The following ZPLD1 variants were observed in gnomAD, a reference collection of about 807,000 sequenced individuals.
ZPLD1 encodes zona pellucida-like domain-containing protein 1.
A neutral mutation model predicts 47.2 loss-of-function variants in ZPLD1; 34 were observed. The ratio of observed to expected loss-of-function variants is 0.72; its 90% CI spans 0.55 to 0.96. The LOEUF is 0.96. Ranked by LOEUF, ZPLD1 falls within the 40% of genes least tolerant of loss-of-function variation. The probability of loss-of-function intolerance (pLI) is 0.00; values close to 1 mark genes in which losing one functional copy is unlikely to be tolerated. For synonymous variants in ZPLD1, 176 were observed against 186.2 expected, an observed-to-expected ratio of 0.95 and a Z score of 0.45; for missense variants, 512 against 505.8, an observed-to-expected ratio of 1.01 and a Z score of -0.12.
chr3:102,395,928 G>T (rs1029960584), intron 7 of ZPLD1, among the ~76,000 whole-genome samples: 8 of 151,988 alleles, frequency 5.3e-5, no homozygotes, highest in South Asian at 2.1e-4. Flanking sequence ...CTTTCTTCAG[G>T]CTATTAGAAA....
intron 3 of ZPLD1, among the ~76,000 whole-genome samples, chr3:102,444,855 A>C (rs1426799463): frequency 3.3e-5 from 5 of 152,128 alleles, no homozygotes; most frequent in Non-Finnish European, 7.3e-5. Context: ...CATCAATACT[A>C]ATGTGATGAT....
chr3:102,471,943 C>T (rs1231497529), intron 10 of ZPLD1, among the ~76,000 whole-genome samples: 2 of 151,962 alleles, frequency 1.3e-5, no homozygotes, highest in Non-Finnish European at 2.9e-5. Context: ...TTATATTAGC[C>T]TTAATGCTGT....
intron 3 of ZPLD1, among the ~76,000 whole-genome samples, chr3:102,448,726 C>T (rs527979450): frequency 8.2e-4 from 125 of 152,322 alleles, no homozygotes; most frequent in African/African-American, 2.8e-3. Context: ...AAGAGCACTA[C>T]ATCTGGTCAC....
At position 102,456,291 on chromosome 3, in the gene ZPLD1, C is replaced by A. The variant is rs745776325; in HGVS notation, c.426C>A (p.Ile142=). ...TTGATACTCCAGACCCACCAACAAT[C>A]ATCAGCTATCTACCTGGGCTTCTTT... ...GYIDTPDPPT[I]ISYLPGLLYK... The change falls in exon 5 of 12, where the codon ATC becomes ATA. Residue 142 remains isoleucine (I), a synonymous_variant. Coordinates refer to ENST00000466937, the MANE Select transcript of ZPLD1 (RefSeq NM_001329788.2). The A allele has an allele frequency of 6.2e-7, 1 of 1,613,918 alleles. No homozygotes were observed. The highest frequency in any genetic ancestry group is 8.5e-7 in the Non-Finnish European group (1 of 1,179,858).
chr3:102,442,243 A>G (rs547947642), intron 3 of ZPLD1, among the ~76,000 whole-genome samples: 84 of 151,282 alleles, frequency 5.6e-4, no homozygotes, highest in African/African-American at 1.9e-3. Flanking sequence ...ACACATTAGC[A>G]CTTTAGGTAC....
At chr3:102,412,590 A>T (rs946563903) in intron 7 of ZPLD1, among the ~76,000 whole-genome samples, 4 of 151,866 alleles carry the variant, frequency 2.6e-5, no homozygotes, top group African/African-American at 9.7e-5. Context: ...GTATTGAAAT[A>T]TATAGTGCTG....
chr3:102,452,114 CG>C (rs1707346639), intron 3 of ZPLD1, among the ~76,000 whole-genome samples: 7 of 141,812 alleles, frequency 4.9e-5, no homozygotes, highest in African/African-American at 1.6e-4. Context: ...ATATGAAGAC[CG>C]TGTGTGTGTG....
intron 7 of ZPLD1, among the ~76,000 whole-genome samples, chr3:102,410,069 T>C (rs913183188): frequency 6.6e-6 from 1 of 151,850 alleles, no homozygotes; most frequent in Admixed American, 6.6e-5. Flanking sequence ...AGTAATAGTT[T>C]TAGTGTTTTA....
intron 6 of ZPLD1, among the ~76,000 whole-genome samples, chr3:102,458,482 A>C (rs1051976886): frequency 1.6e-4 from 25 of 152,232 alleles, no homozygotes; most frequent in Admixed American, 1.5e-3. Context: ...TTATTCATAC[A>C]TTTTAAATGC....
At chr3:102,386,678 A>G (rs367823628) in intron 6 of ZPLD1, among the ~76,000 whole-genome samples, 10 of 152,308 alleles carry the variant, frequency 6.6e-5, no homozygotes, top group South Asian at 2.1e-4. Flanking sequence ...AAGTGAATAT[A>G]TTAAAGACAA....
intron 7 of ZPLD1, among the ~76,000 whole-genome samples, chr3:102,410,159 T>TGCATATTGATC (rs1706734074): frequency 6.6e-6 from 1 of 151,820 alleles, no homozygotes; most frequent in Non-Finnish European, 1.5e-5. Context: ...TCATCTTGAT[T>TGCATATTGATC]GCATATTGAT....
intron 7 of ZPLD1, among the ~76,000 whole-genome samples, chr3:102,405,579 A>T (rs976112599): frequency 3.9e-5 from 6 of 151,970 alleles, no homozygotes; most frequent in Non-Finnish European, 8.8e-5. Context: ...CAAATGCATG[A>T]ATGTAAAGTG....
intron 4 of ZPLD1, among the ~76,000 whole-genome samples, chr3:102,455,620 A>G (rs922879131): frequency 6.6e-6 from 1 of 152,208 alleles, no homozygotes. Context: ...GGTGGACAAG[A>G]TGGTCCCTGC....
intron 7 of ZPLD1, among the ~76,000 whole-genome samples, chr3:102,397,393 A>T (rs1559739522): frequency 6.6e-6 from 1 of 151,774 alleles, no homozygotes; most frequent in African/African-American, 2.4e-5. Flanking sequence ...GGGTAGACTT[A>T]GTAAAGCCCC....
chr3:102,449,408 GT>G (rs747307621), intron 3 of ZPLD1, among the ~76,000 whole-genome samples: 2 of 152,184 alleles, frequency 1.3e-5, no homozygotes, highest in East Asian at 3.9e-4. Context: ...CATTTTCATA[GT>G]TTCAGTTAAC....
At chr3:102,459,132 G>C (rs907852708) in intron 6 of ZPLD1, among the ~76,000 whole-genome samples, 2 of 125,438 alleles carry the variant, frequency 1.6e-5, no homozygotes, top group African/African-American at 6.2e-5. Flanking sequence ...AAGCTGCCAA[G>C]ATACTTGGTT....
intron 6 of ZPLD1, among the ~76,000 whole-genome samples, chr3:102,390,946 A>G (rs1706488284): frequency 6.6e-6 from 1 of 152,142 alleles, no homozygotes; most frequent in African/African-American, 2.4e-5. Flanking sequence ...GAAAAAAAAA[A>G]TGTCAGAAAA....
At chr3:102,418,432 G>A (rs1419365466) in intron 8 of ZPLD1, among the ~76,000 whole-genome samples, 1 of 151,942 alleles carries the variant, frequency 6.6e-6, no homozygotes, top group African/African-American at 2.4e-5. Context: ...CCCTACTTGG[G>A]TGCAGGAAGA....
chr3:102,412,211 A>C (rs1191191079), intron 7 of ZPLD1, among the ~76,000 whole-genome samples: 2 of 151,852 alleles, frequency 1.3e-5, no homozygotes, highest in African/African-American at 4.8e-5. Flanking sequence ...CCATCTTCAT[A>C]GCAACATCTA....
Sources: allele counts gnomAD v4.1 joint callset (sites outside exome capture counted in the v4.1 genomes callset), GRCh38; gene constraint gnomAD v4.1.1; transcripts MANE v1.5; gene names NCBI Gene and HGNC (gene_info 2026-07-23, HGNC 2026-07-21).